TMEM132D: variants seen among roughly 807,000 people sequenced by gnomAD.
TMEM132D encodes the protein transmembrane protein 132D.
Under a neutral mutation model 62.3 loss-of-function variants are expected in TMEM132D, and 21 were observed. That is an observed-to-expected ratio of 0.34 (90% confidence interval 0.24 to 0.49). TMEM132D has a LOEUF of 0.49. TMEM132D is among the 20% of genes least tolerant of loss of function. The probability of loss-of-function intolerance (pLI) is 0.99; values close to 1 mark genes in which losing one functional copy is unlikely to be tolerated. For synonymous variants in TMEM132D, 621 were observed against 575.6 expected (o/e 1.08, Z -1.13); for missense variants, 1,346 against 1,402.8 (o/e 0.96, Z 0.65).
intron 5 of TMEM132D, among the ~76,000 whole-genome samples, chr12:129,148,807 A>C (rs1876987088): frequency 6.6e-6 from 1 of 152,096 alleles, no homozygotes; most frequent in African/African-American, 2.4e-5. Context: ...CTGGCAGGCC[A>C]GGGGACACCC....
intron 1 of TMEM132D, among the ~76,000 whole-genome samples, chr12:129,749,505 C>G (rs1023168966): frequency 3.4e-5 from 5 of 148,986 alleles, no homozygotes; most frequent in African/African-American, 4.9e-5. Context: ...CACCCAGGCT[C>G]AAGTGCAGTG....
chr12:129,741,203 ATCTCT>A (rs1209449286), intron 1 of TMEM132D, among the ~76,000 whole-genome samples: 3 of 152,064 alleles, frequency 2.0e-5, no homozygotes, highest in Non-Finnish European at 4.4e-5. Flanking sequence ...ACATCAAGAG[ATCTCT>A]TCTCTTAATG....
At chr12:129,353,790 G>A (rs1023617360) in intron 3 of TMEM132D, among the ~76,000 whole-genome samples, 1 of 151,918 alleles carries the variant, frequency 6.6e-6, no homozygotes, top group Non-Finnish European at 1.5e-5. Context: ...CCATTGTATG[G>A]AGGGCAATGA....
intron 3 of TMEM132D, among the ~76,000 whole-genome samples, chr12:129,351,041 A>G (rs1869845758): frequency 6.6e-6 from 1 of 152,176 alleles, no homozygotes; most frequent in Admixed American, 6.5e-5. Context: ...CACCTCAACA[A>G]TGTAATCAGA....
chr12:129,610,703 T>C (rs1002800584), intron 2 of TMEM132D, among the ~76,000 whole-genome samples: 1 of 152,026 alleles, frequency 6.6e-6, no homozygotes, highest in Non-Finnish European at 1.5e-5. Context: ...CTCTATTCCT[T>C]GAATTACAAG....
At chr12:129,881,591 A>G (rs1445452811) in intron 1 of TMEM132D, among the ~76,000 whole-genome samples, 1 of 152,066 alleles carries the variant, frequency 6.6e-6, no homozygotes, top group Non-Finnish European at 1.5e-5. Context: ...ACAAATATCT[A>G]AATAACATGA....
intron 1 of TMEM132D, among the ~76,000 whole-genome samples, chr12:129,828,093 T>C (rs1412101716): frequency 6.6e-6 from 1 of 152,182 alleles, no homozygotes; most frequent in Non-Finnish European, 1.5e-5. Flanking sequence ...AGAATGATTG[T>C]ATGCAAATCA....
rs368727208 is a variant in TMEM132D at position 129,424,665 on chromosome 12, G to A, written c.1116-86848C>T. Among the ~76,000 whole-genome samples, 3 of 116,350 alleles carry A rather than the reference G, an allele frequency of 2.6e-5. No homozygotes were observed. The South Asian group carries it at 8.7e-4, about 34-fold the overall frequency. The allele number at this position is 116,350 out of a possible 152,430, so 76.3% of individuals were successfully genotyped here. On this transcript the variant is annotated intron_variant, in intron 3 of 8. Coordinates refer to ENST00000422113, the MANE Select transcript of TMEM132D (RefSeq NM_133448.3). ...GGAGCTTGCAGTGAGCTGAGATCAC[G>A]CCACTACACTCCAGCCTGGGTGACA...
intron 3 of TMEM132D, among the ~76,000 whole-genome samples, chr12:129,449,458 C>T (rs6486470): frequency 0.55 from 83,476 of 151,964 alleles, 23,710 homozygotes; most frequent in East Asian, 0.87. Flanking sequence ...CTTTCTGAGC[C>T]TGCAGAGCAG....
At chr12:129,786,012 G>C (rs932049442) in intron 1 of TMEM132D, among the ~76,000 whole-genome samples, 2 of 152,160 alleles carry the variant, frequency 1.3e-5, no homozygotes, top group Admixed American at 6.5e-5. Flanking sequence ...AGAAATAGTT[G>C]ATCAAGGTGA....
intron 3 of TMEM132D, among the ~76,000 whole-genome samples, chr12:129,367,777 C>CTTT (rs60004106): frequency 8.2e-6 from 1 of 122,300 alleles, no homozygotes; most frequent in Non-Finnish European, 1.7e-5. Flanking sequence ...CATTTCTTTT[C>CTTT]TTTTTTTTTT....
In TMEM132D at chr12:129,371,460, T is replaced by C. The variant is rs766288542; in HGVS notation, c.1116-33643A>G. ...GATGATGTGATATTGATGATGGTGGTAATGACGATGATGATGTGATAATGG... is the reference window on the plus strand; with the variant it reads ...GATGATGTGATATTGATGATGGTGGCAATGACGATGATGATGTGATAATGG... On this transcript the variant is annotated intron_variant, in intron 3 of 8. Transcript: ENST00000422113. The surrounding 1 kb of genome is among the most constrained non-coding windows in gnomAD (Gnocchi z 4.3). Among the ~76,000 whole-genome samples, 2 of 151,826 alleles carry C rather than the reference T, an allele frequency of 1.3e-5. No homozygotes were observed. The highest frequency in any genetic ancestry group is 2.9e-5 in the Non-Finnish European group (2 of 67,988).
intron 3 of TMEM132D, among the ~76,000 whole-genome samples, chr12:129,471,160 G>A (rs527519831): frequency 6.6e-6 from 1 of 151,158 alleles, no homozygotes; most frequent in Admixed American, 6.6e-5. Context: ...TCCAGGAAAA[G>A]CACCTCTTAT....
chr12:129,616,798 C>T (rs546342897), intron 2 of TMEM132D, among the ~76,000 whole-genome samples: 40 of 152,308 alleles, frequency 2.6e-4, no homozygotes, highest in African/African-American at 8.7e-4. Flanking sequence ...GTCTCGGGTA[C>T]GTCTTCATTA....
chr12:129,276,501 T>G (rs539547051), intron 4 of TMEM132D, among the ~76,000 whole-genome samples: 3 of 152,346 alleles, frequency 2.0e-5, no homozygotes, highest in African/African-American at 7.2e-5. Context: ...TTGCTGTTTG[T>G]GCGGAATTAT....
At chr12:129,510,095 C>A (rs1417483390) in intron 3 of TMEM132D, among the ~76,000 whole-genome samples, 1 of 152,058 alleles carries the variant, frequency 6.6e-6, no homozygotes, top group Admixed American at 6.6e-5. Flanking sequence ...CAACAGTGTA[C>A]AAGGGCTCAC....
intron 2 of TMEM132D, among the ~76,000 whole-genome samples, chr12:129,695,212 G>A (rs1881175529): frequency 6.6e-6 from 1 of 152,128 alleles, no homozygotes; most frequent in Admixed American, 6.5e-5. Context: ...GCAGTCTCCT[G>A]GATGGGATCC....
chr12:129,102,756 T>A (rs1875355712), intron 5 of TMEM132D, among the ~76,000 whole-genome samples: 1 of 152,210 alleles, frequency 6.6e-6, no homozygotes, highest in Non-Finnish European at 1.5e-5. Flanking sequence ...TTTGGGATCA[T>A]AAAATATTCT....
chr12:129,341,641 G>C lies in TMEM132D; in HGVS notation c.1116-3824C>G, dbSNP rs193132845. Among the ~76,000 whole-genome samples the C allele has an allele frequency of 7.9e-5, 12 of 152,276 alleles. No homozygotes were observed. In the East Asian group the frequency reaches 2.3e-3, roughly 29 times the overall value. ...TGTTTACTAAACAGACCCAGACTTG[G>C]GAGTGTCCAGATATCCCAATAGCTG... On this transcript the variant is annotated intron_variant, in intron 3 of 8. Transcript: ENST00000422113.
Sources: allele counts gnomAD v4.1 joint callset (sites outside exome capture counted in the v4.1 genomes callset), GRCh38; gene constraint gnomAD v4.1.1; non-coding constraint Gnocchi (gnomAD v3.1); transcripts MANE v1.5; gene names NCBI Gene and HGNC (gene_info 2026-07-23, HGNC 2026-07-21).